The following CSMD1 variants were observed in gnomAD, a reference collection of about 807,000 sequenced individuals.
The protein encoded by CSMD1 is CUB and sushi domain-containing protein 1.
Under a neutral mutation model 417.5 loss-of-function variants are expected in CSMD1, and 213 were observed. The ratio of observed to expected loss-of-function variants is 0.51; its 90% CI spans 0.46 to 0.57. The LOEUF is 0.57. CSMD1 is among the 20% of genes least tolerant of loss of function. The probability of loss-of-function intolerance (pLI) is 0.00; values close to 1 mark genes in which losing one functional copy is unlikely to be tolerated. For synonymous variants in CSMD1, 2,862 were observed against 1,736.8 expected (o/e 1.65, Z -16.11); for missense variants, 6,923 against 4,529.7 (o/e 1.53, Z -15.17).
intron 1 of CSMD1, among the ~76,000 whole-genome samples, chr8:4,902,698 T>C (rs906318533): frequency 2.0e-5 from 3 of 152,106 alleles, no homozygotes; most frequent in Admixed American, 6.5e-5. Flanking sequence ...TATACGCACA[T>C]GATACAAAAT....
chr8:4,639,328 C>T (rs937245132), intron 1 of CSMD1, among the ~76,000 whole-genome samples: 1 of 148,082 alleles, frequency 6.8e-6, no homozygotes, highest in Non-Finnish European at 1.5e-5. Context: ...GCCAATCCAA[C>T]TGAAGCAAGA....
intron 18 of CSMD1, chr8:3,375,279 G>T (rs764395522): frequency 1.3e-5 from 2 of 152,122 alleles, no homozygotes; most frequent in Admixed American, 1.3e-4. Context: ...TTCTTCAACT[G>T]GTGTGTTTCA....
chr8:3,716,675 T>C (rs1315093480), intron 6 of CSMD1, among the ~76,000 whole-genome samples: 1 of 152,188 alleles, frequency 6.6e-6, no homozygotes, highest in African/African-American at 2.4e-5. Context: ...TAAGAGTTCC[T>C]TAACCTCCTG....
chr8:4,356,802 C>A lies in CSMD1; in HGVS notation c.415+63151G>T, dbSNP rs549735030. ...TCAAAGCAGTCTTGCAGGCCCAGCC[C>A]CTGACCGACTTGACAATGGCGCACA... is the stretch of plus-strand genomic sequence containing the variant. On this transcript the variant is annotated intron_variant, in intron 3 of 69. Coordinates refer to ENST00000635120, the MANE Select transcript of CSMD1 (RefSeq NM_033225.6). Among the ~76,000 whole-genome samples, 8 of 152,254 alleles carry A rather than the reference C, an allele frequency of 5.3e-5. No homozygotes were observed. The East Asian group carries it at 1.2e-3, about 22-fold the overall frequency.
chr8:3,284,836 C>T (rs1803026466), intron 25 of CSMD1, among the ~76,000 whole-genome samples: 1 of 152,210 alleles, frequency 6.6e-6, no homozygotes, highest in Non-Finnish European at 1.5e-5. Context: ...TCTGAATGGT[C>T]TGCTCTTGTG....
At chr8:4,657,955 G>C (rs538938697) in intron 1 of CSMD1, among the ~76,000 whole-genome samples, 1 of 150,102 alleles carries the variant, frequency 6.7e-6, no homozygotes, top group Non-Finnish European at 1.5e-5. Flanking sequence ...ATAAACTCAT[G>C]AGAAGGTTTC....
chr8:3,962,144 G>T (rs896092276), intron 5 of CSMD1, among the ~76,000 whole-genome samples: 1 of 152,098 alleles, frequency 6.6e-6, no homozygotes, highest in Non-Finnish European at 1.5e-5. Context: ...GCCCACACCT[G>T]AGCACCTACT....
intron 1 of CSMD1, among the ~76,000 whole-genome samples, chr8:4,705,687 C>G (rs548573206): frequency 1.4e-4 from 21 of 152,160 alleles, no homozygotes; most frequent in Non-Finnish European, 2.4e-4. Context: ...GAATATCACT[C>G]TTTTCTGAGT....
chr8:4,637,440 A>C lies in CSMD1; in HGVS notation c.204T>G (p.Asn68Lys). 1.9e-6 allele frequency: 3 copies of C among 1,613,826 alleles called. No homozygotes were observed. Among genetic ancestry groups the C allele is most frequent in the Non-Finnish European group, 1.7e-6 (2 of 1,179,858 alleles). The change falls in exon 2 of 70, where the codon AAT becomes AAG. Residue 68 changes from asparagine to lysine, a missense_variant. By Grantham distance (94) the Asn-to-Lys change is moderately conservative. Coordinates refer to ENST00000635120, the MANE Select transcript of CSMD1 (RefSeq NM_033225.6). ...AGGTATGGAAGGACAACTGTATCCT[A>C]TTGCGCTCGCCCGTGATGATGATCC... ...CTWIIITGER[N>K]RIQLSFHTFA... is the part of the protein sequence containing the mutation.
intron 7 of CSMD1, among the ~76,000 whole-genome samples, chr8:3,640,204 G>C (rs182567396): frequency 6.6e-6 from 1 of 152,096 alleles, no homozygotes; most frequent in African/African-American, 2.4e-5. Flanking sequence ...CAGTCATGTG[G>C]GGAGGCATCA....
At chr8:3,647,389 T>TATAAA (rs1554498663) in intron 7 of CSMD1, among the ~76,000 whole-genome samples, 2 of 151,822 alleles carry the variant, frequency 1.3e-5, no homozygotes, top group Non-Finnish European at 2.9e-5. Context: ...TAGAAAGAAA[T>TATAAA]ATAAAGAGAA....
At chr8:3,578,982 G>A (rs774400146) in intron 9 of CSMD1, among the ~76,000 whole-genome samples, 2 of 152,166 alleles carry the variant, frequency 1.3e-5, no homozygotes, top group South Asian at 2.1e-4. Context: ...TTCTACTCTT[G>A]CAAAGGCCTT....
chr8:4,904,682 C>T (rs1008165906), intron 1 of CSMD1, among the ~76,000 whole-genome samples: 17 of 151,990 alleles, frequency 1.1e-4, no homozygotes, highest in African/African-American at 4.1e-4. Context: ...TTGTTAAGTA[C>T]TGGGGAAAAC....
chr8:3,241,800 C>T (rs1251202246), intron 26 of CSMD1, among the ~76,000 whole-genome samples: 1 of 152,064 alleles, frequency 6.6e-6, no homozygotes, highest in Non-Finnish European at 1.5e-5. Context: ...CAAGGAACTG[C>T]AACTTAGAAA....
At chr8:3,859,275 T>C (rs1052439156) in intron 5 of CSMD1, among the ~76,000 whole-genome samples, 13 of 152,366 alleles carry the variant, frequency 8.5e-5, no homozygotes, top group East Asian at 1.9e-4. Flanking sequence ...TGAGTCTTTC[T>C]AGTTTTCCTT....
intron 2 of CSMD1, among the ~76,000 whole-genome samples, chr8:4,635,059 G>A (rs1050286699): frequency 6.6e-6 from 1 of 152,050 alleles, no homozygotes; most frequent in African/African-American, 2.4e-5. Flanking sequence ...TAACTCTAAG[G>A]ACAATAAACA....
At chr8:3,063,439 T>C (rs1245968536) in intron 49 of CSMD1, among the ~76,000 whole-genome samples, 2 of 152,200 alleles carry the variant, frequency 1.3e-5, no homozygotes. Context: ...TGACCTATGG[T>C]GGTTCCTCAA....
At chr8:3,512,573 C>T (rs1023030222) in intron 10 of CSMD1, among the ~76,000 whole-genome samples, 9 of 151,518 alleles carry the variant, frequency 5.9e-5, no homozygotes, top group Admixed American at 5.3e-4. Context: ...TGAACCCTCT[C>T]CTCCAGGAGC....
rs376108592 is a variant in CSMD1, at chr8:4,195,933, C to T, written c.416-163834G>A. 6.6e-5 allele frequency among the ~76,000 whole-genome samples: 10 copies of T among 152,172 alleles called. No individual in the cohort carries two copies. The East Asian group carries it at 1.2e-3, about 18-fold the overall frequency. ...AACTATGAGATAAAAAATGCCAGGC[C>T]GGGCGCGGTGGCTCACGCCTGTAAT... On this transcript the variant is annotated intron_variant, in intron 3 of 69. Coordinates refer to ENST00000635120, the MANE Select transcript of CSMD1 (RefSeq NM_033225.6).
Sources: allele counts gnomAD v4.1 joint callset (sites outside exome capture counted in the v4.1 genomes callset), GRCh38; gene constraint gnomAD v4.1.1; transcripts MANE v1.5; gene names NCBI Gene and HGNC (gene_info 2026-07-23, HGNC 2026-07-21).